The following SLC26A11 variants were observed in gnomAD, a reference collection of about 807,000 sequenced individuals.
SLC26A11 encodes the protein sodium-independent sulfate anion transporter.
Under a neutral mutation model 62.2 loss-of-function variants are expected in SLC26A11, and 58 were observed. The observed-to-expected ratio is 0.93, with a 90% CI of 0.76 to 1.16. The LOEUF is 1.16. Ranked by LOEUF, SLC26A11 falls within the 50% of genes most tolerant of loss-of-function variation. The pLI is 0.00. For missense variants in SLC26A11, 790 were observed against 794.3 expected, an observed-to-expected ratio of 0.99 and a Z score of 0.06; for synonymous variants, 411 against 368.9, an observed-to-expected ratio of 1.11 and a Z score of -1.31.
intron 10 of SLC26A11, among the ~76,000 whole-genome samples, chr17:80,244,417 A>C (rs1342825278): frequency 6.6e-6 from 1 of 152,180 alleles, no homozygotes; most frequent in Non-Finnish European, 1.5e-5. Flanking sequence ...CCTCCCGAGT[A>C]CCTAGGGTTT....
Position 80,246,283 on chromosome 17 carries a change from C to A in SLC26A11, c.1153+74C>A. 6.5e-7 allele frequency: 1 copy of A among 1,546,332 alleles called. No individual in the cohort carries two copies. Among genetic ancestry groups the A allele is most frequent in the Non-Finnish European group, 8.8e-7 (1 of 1,142,234 alleles). ...AAAGGGAGGAGGGGGCCCACAGAGA[C>A]GTCCCTTTGGCTCATGGGCCGTGCG... On this transcript the variant is annotated intron_variant, in intron 12 of 17. Transcript: ENST00000361193. The surrounding 1 kb of genome is among the most constrained non-coding windows in gnomAD (Gnocchi z 4.4).
At chr17:80,243,461 G>A (rs549139932) in intron 10 of SLC26A11, among the ~76,000 whole-genome samples, 5 of 151,994 alleles carry the variant, frequency 3.3e-5, no homozygotes, top group South Asian at 2.1e-4. Flanking sequence ...GCAGTGGCAC[G>A]GTCTCGGCTT....
At chr17:80,238,015 C>T (rs151289923) in intron 9 of SLC26A11, among the ~76,000 whole-genome samples, 4 of 152,202 alleles carry the variant, frequency 2.6e-5, no homozygotes, top group African/African-American at 9.7e-5. Context: ...CAAATAACCT[C>T]ATCAGTAGTA....
chr17:80,243,805 A>T (rs992695860), intron 10 of SLC26A11, among the ~76,000 whole-genome samples: 5 of 152,198 alleles, frequency 3.3e-5, no homozygotes, highest in African/African-American at 1.2e-4. Context: ...CAGCCATGGG[A>T]TTCCTTGATC....
At chr17:80,224,508 C>A (rs1365807794) in intron 5 of SLC26A11, among the ~76,000 whole-genome samples, 1 of 152,052 alleles carries the variant, frequency 6.6e-6, no homozygotes, top group Non-Finnish European at 1.5e-5. Context: ...TGCACTCTTG[C>A]TACGTGCGAG....
Position 80,252,435 on chromosome 17 carries a change from C to T in SLC26A11, c.1730-190C>T, listed in dbSNP as rs921478450. Among the ~76,000 whole-genome samples the T allele has an allele frequency of 2.6e-5, 4 of 152,038 alleles. No homozygotes were observed. In the East Asian group the frequency reaches 7.7e-4, roughly 29 times the overall value. On this transcript the variant is annotated intron_variant, in intron 17 of 17. Coordinates refer to ENST00000361193, the MANE Select transcript of SLC26A11 (RefSeq NM_001166347.2). The surrounding 1 kb of genome is among the most constrained non-coding windows in gnomAD (Gnocchi z 5.2). Reference sequence around the variant, plus strand: ...GCAGTAAGAAAGGGCCGTTAGTCACCTGAAAAATACGCTTACAGAGACTCA... The same window carrying T: ...GCAGTAAGAAAGGGCCGTTAGTCACTTGAAAAATACGCTTACAGAGACTCA...
Position 80,222,627 on chromosome 17 carries a change from G to A in SLC26A11, c.235-28G>A, listed in dbSNP as rs1950855690. On this transcript the variant is annotated intron_variant, in intron 3 of 17. Coordinates refer to ENST00000361193, the MANE Select transcript of SLC26A11 (RefSeq NM_001166347.2). This position sits in a 1 kb window ranked among gnomAD's most constrained non-coding sequence, Gnocchi z 4.7. ...GCTGGTGGATGGGCCTCGGCCTCCT[G>A]AGTGCTCACCACCCTCTCTCCCCAC... 6.2e-7 allele frequency: 1 copy of A among 1,606,248 alleles called. No homozygotes were observed. The highest frequency in any genetic ancestry group is 1.3e-5 in the African/African-American group (1 of 74,844).
chr17:80,240,323 C>A (rs1222303444), intron 9 of SLC26A11, among the ~76,000 whole-genome samples: 1 of 151,670 alleles, frequency 6.6e-6, no homozygotes, highest in African/African-American at 2.4e-5. Context: ...GCCAAGATCG[C>A]GCCACTGTAC....
chr17:80,224,256 AGTGTGTGC>A (rs1228472967), intron 5 of SLC26A11, among the ~76,000 whole-genome samples: 2 of 137,260 alleles, frequency 1.5e-5, no homozygotes, highest in Middle Eastern at 3.8e-3. Context: ...GGAGTGTGTG[AGTGTGTGC>A]GTGTGTGAGT....
intron 7 of SLC26A11, among the ~76,000 whole-genome samples, chr17:80,233,538 T>A (rs1225080452): frequency 6.6e-6 from 1 of 152,190 alleles, no homozygotes; most frequent in African/African-American, 2.4e-5. Context: ...TGAAGGATGT[T>A]ATTTTTTCTT....
At chr17:80,237,293 C>G in intron 8 of SLC26A11, 190 bp downstream of exon 8, 1 of 810,140 alleles carries the variant, frequency 1.2e-6, no homozygotes, top group Non-Finnish European at 1.9e-6. Context: ...TCAGGGATGT[C>G]ACGTTTGTGT....
chr17:80,246,102 G>A lies in SLC26A11; in HGVS notation c.1098-52G>A, dbSNP rs1192130469. The A allele has an allele frequency of 6.2e-6, 10 of 1,604,318 alleles. No homozygotes were observed. Among genetic ancestry groups the A allele is most frequent in the Non-Finnish European group, 7.7e-6 (9 of 1,172,182 alleles). On this transcript the variant is annotated intron_variant, in intron 11 of 17. Coordinates refer to ENST00000361193, the MANE Select transcript of SLC26A11 (RefSeq NM_001166347.2). The surrounding 1 kb of genome is among the most constrained non-coding windows in gnomAD (Gnocchi z 4.4). ...ATCAGCCACAGGAGTGTGGACTGAG[G>A]TCTCCCTTTTCCCGGCCCCTGGTGA...
Position 80,245,197 on chromosome 17 carries a change from T to G in SLC26A11, c.1038T>G (p.Gly346=), listed in dbSNP as rs1191953071. The change falls in exon 11 of 18, where the codon GGT becomes GGG. Residue 346 remains glycine, a splice_region_variant and synonymous_variant. Transcript: ENST00000361193. ...IDANQELLAI[G]LTNMLGSLVS... ...CAGCCTGTCTTGCCTCCTCCCCAGG[T>G]CTCACCAACATGTTGGGCTCCCTCG... is the stretch of plus-strand genomic sequence containing the variant. 7.4e-6 allele frequency: 12 copies of G among 1,613,716 alleles called. No homozygotes were observed. The highest frequency in any genetic ancestry group is 1.7e-5 in the Admixed American group (1 of 59,934).
At chr17:80,249,618 A>G (rs1412242239) in intron 16 of SLC26A11, among the ~76,000 whole-genome samples, 1 of 152,202 alleles carries the variant, frequency 6.6e-6, no homozygotes, top group Non-Finnish European at 1.5e-5. Context: ...AAAAAGAGAC[A>G]GGTGAGGCTA....
chr17:80,244,070 G>C (rs900751414), intron 10 of SLC26A11, among the ~76,000 whole-genome samples: 12 of 152,198 alleles, frequency 7.9e-5, no homozygotes, highest in Non-Finnish European at 1.5e-5. Context: ...CATGTCACCC[G>C]GGATGCCCTG....
chr17:80,247,243 T>C (rs150832333), intron 13 of SLC26A11, among the ~76,000 whole-genome samples: 1,677 of 152,146 alleles, frequency 0.011, 19 homozygotes, highest in African/African-American at 0.032. Flanking sequence ...TGTCTACTTC[T>C]TTCTACACAG....
intron 3 of SLC26A11, 111 bp downstream of exon 3, chr17:80,221,905 G>C: frequency 8.5e-7 from 1 of 1,183,340 alleles, no homozygotes; most frequent in South Asian, 1.6e-5. Context: ...GGGCCCCAAG[G>C]AACCTTTGGT....
At position 80,252,969 on chromosome 17, in the gene SLC26A11, T is replaced by C. The variant is rs74000686; in HGVS notation, c.*253T>C. On this transcript the variant is annotated 3_prime_UTR_variant, in exon 18 of 18. Coordinates refer to ENST00000361193, the MANE Select transcript of SLC26A11 (RefSeq NM_001166347.2). This position sits in a 1 kb window ranked among gnomAD's most constrained non-coding sequence, Gnocchi z 5.2. ...GGCATGACCCTCTTTGGAAGAGTGG[T>C]TTGGAGAGAGCCTTCTAGAATGACA... 0.032 allele frequency: 12,274 copies of C among 385,156 alleles called. 502 individuals are homozygous for C. Among genetic ancestry groups the C allele is most frequent in the African/African-American group, 0.13 (6,197 of 47,708 alleles). The allele number at this position is 385,156 out of a possible 1,614,324, so 23.9% of individuals were successfully genotyped here.
chr17:80,226,626 G>A (rs1184961776), intron 6 of SLC26A11, among the ~76,000 whole-genome samples: 1 of 152,196 alleles, frequency 6.6e-6, no homozygotes, highest in Non-Finnish European at 1.5e-5. Context: ...GCTTGAACCT[G>A]TGAGGCGGAG....
Sources: gnomAD v4.1 joint callset for allele counts (sites outside exome capture counted in the v4.1 genomes callset) on GRCh38, gnomAD v4.1.1 for gene constraint, Gnocchi (gnomAD v3.1) non-coding constraint, MANE v1.5 for transcripts, NCBI Gene and HGNC (gene_info 2026-07-23, HGNC 2026-07-21) for gene names.